The following DMD variants were observed in gnomAD, a reference collection of about 807,000 sequenced individuals.
DMD encodes the protein mutant dystrophin.
In DMD, 63 loss-of-function variants were observed where a neutral mutation model predicts 330.1. The ratio of observed to expected loss-of-function variants is 0.19; its 90% CI spans 0.16 to 0.24. DMD has a LOEUF of 0.24. DMD is among the 10% of genes least tolerant of loss of function. The pLI is 1.00. For missense variants in DMD, 3,344 were observed against 2,684.1 expected, an observed-to-expected ratio of 1.25 and a Z score of -5.43; for synonymous variants, 1,223 against 959.8, an observed-to-expected ratio of 1.27 and a Z score of -5.07.
chrX:31,503,245 T>C (rs930168985), intron 56 of DMD, among the ~76,000 whole-genome samples: 3 of 112,279 alleles, frequency 2.7e-5, no homozygotes, highest in Non-Finnish European at 5.6e-5. Context: ...ATTAAACAAT[T>C]TTCCAGGTTC....
chrX:31,478,569 A>G (rs1199179692), intron 58 of DMD, among the ~76,000 whole-genome samples, 195 bp from the exon 59 acceptor site: 1 of 111,873 alleles, frequency 8.9e-6, no homozygotes, highest in African/African-American at 3.3e-5. Flanking sequence ...TTTCTACCTT[A>G]TATCAATCCG....
chrX:31,511,450 T>C (rs1410099727), intron 55 of DMD, among the ~76,000 whole-genome samples: 1 of 100,509 alleles, frequency 9.9e-6, no homozygotes, highest in Non-Finnish European at 2.0e-5. Flanking sequence ...TCATCTAGCA[T>C]TAGGTATATC....
intron 2 of DMD, among the ~76,000 whole-genome samples, chrX:32,991,446 C>T (rs2092972115): frequency 8.9e-6 from 1 of 111,968 alleles, no homozygotes; most frequent in Non-Finnish European, 1.9e-5. Context: ...ATGTTCTATA[C>T]ATGCACTACA....
upstream of DMD, among the ~76,000 whole-genome samples, chrX:33,215,647 C>T (rs750669338): frequency 3.6e-5 from 4 of 111,412 alleles, no homozygotes; most frequent in Non-Finnish European, 7.5e-5. Flanking sequence ...GGATTTTTTA[C>T]AGTATGAGGT....
chrX:32,920,533 T>G (rs1367351386), intron 2 of DMD, among the ~76,000 whole-genome samples: 1 of 111,991 alleles, frequency 8.9e-6, no homozygotes, highest in Non-Finnish European at 1.9e-5. Context: ...ATCTGTCCCT[T>G]TCCCTATCCT....
chrX:31,181,908 C>G (rs2041194472), intron 68 of DMD, among the ~76,000 whole-genome samples: 1 of 112,014 alleles, frequency 8.9e-6, no homozygotes, highest in African/African-American at 3.2e-5. Flanking sequence ...TGTTGATTCA[C>G]ACATTTAAGG....
At chrX:32,443,491 A>G (rs2098290881) in intron 27 of DMD, among the ~76,000 whole-genome samples, 1 of 111,412 alleles carries the variant, frequency 9.0e-6, no homozygotes, top group South Asian at 3.7e-4. Context: ...GTGGGAAAAT[A>G]TAAATATCTT....
At chrX:32,259,595 G>A (rs1206896870) in intron 43 of DMD, among the ~76,000 whole-genome samples, 1 of 111,170 alleles carries the variant, frequency 9.0e-6, no homozygotes, top group Non-Finnish European at 1.9e-5. Flanking sequence ...TAAACATTGA[G>A]TAAGAAATGT....
At chrX:31,847,504 G>A (rs1256128974) in intron 48 of DMD, among the ~76,000 whole-genome samples, 1 of 111,732 alleles carries the variant, frequency 8.9e-6, no homozygotes, top group Non-Finnish European at 1.9e-5. Flanking sequence ...AGGGTCAACT[G>A]TAGTAAATCC....
chrX:32,801,717 T>C (rs774955148), intron 7 of DMD, among the ~76,000 whole-genome samples: 24 of 112,224 alleles, frequency 2.1e-4, no homozygotes, highest in African/African-American at 7.8e-4. Flanking sequence ...AGTTTCAGTC[T>C]TCTGCATATG....
In DMD at chrX:32,330,846, G is replaced by A. The variant is rs184823756; in HGVS notation, c.5922+11254C>T. 5.6e-3 allele frequency among the ~76,000 whole-genome samples: 625 copies of A among 111,235 alleles called. 5 individuals are homozygous for A. The highest frequency in any genetic ancestry group is 0.019 in the African/African-American group (594 of 30,678). The stretch of plus-strand genomic sequence containing the variant: ...TTTCTAGACTCACACTAAGTGTATG[G>A]AGTTACCATTTAACTGCATCCTCAC... On this transcript the variant is annotated intron_variant, in intron 41 of 78. Transcript: ENST00000357033.
chrX:32,428,294 TTAGTC>T (rs1273187625), intron 29 of DMD, among the ~76,000 whole-genome samples: 1 of 112,057 alleles, frequency 8.9e-6, no homozygotes, highest in African/African-American at 3.2e-5. Context: ...ATTATTTACT[TTAGTC>T]AAGTTTTTAC....
intron 30 of DMD, among the ~76,000 whole-genome samples, chrX:32,408,488 C>A (rs868792761): frequency 4.8e-4 from 54 of 111,751 alleles, no homozygotes; most frequent in Admixed American, 9.5e-4. Context: ...AGTGCCATAG[C>A]TTTTATATCT....
At chrX:31,184,213 T>A (rs1293203795) in intron 67 of DMD, among the ~76,000 whole-genome samples, 1 of 112,434 alleles carries the variant, frequency 8.9e-6, no homozygotes, top group Non-Finnish European at 1.9e-5. Flanking sequence ...CTGGCCCAAG[T>A]ATAAAATTTT....
rs60773717 is a variant in DMD at position 32,178,830 on chromosome X, G to GGTGTGT, written c.6438+38080_6438+38085dup. On this transcript the variant is annotated intron_variant, in intron 44 of 78. Transcript: ENST00000357033. ...TTTAAGGCTGAAAAATATTCCAGGG[G>GGTGTGT]GTGTGTGTGTGTGTGTGTGTGTGTG... Among the ~76,000 whole-genome samples, 383 of 99,158 alleles carry GGTGTGT rather than the reference G, an allele frequency of 3.9e-3. 1 individual carries two copies. Among genetic ancestry groups the GGTGTGT allele is most frequent in the Admixed American group, 9.0e-3 (81 of 9,001 alleles). The allele number at this position is 99,158 out of a possible 115,157, so 86.1% of individuals were successfully genotyped here.
Position 32,620,659 on chromosome X carries a change from CAG to C in DMD, c.1332-6208_1332-6207del, listed in dbSNP as rs376113730. The stretch of plus-strand genomic sequence containing the variant: ...GCATCATTTACTTTTTGCTTTTGGA[CAG>C]ACATTTCCTTCAACAAATCTTTACT... On this transcript the variant is annotated intron_variant, in intron 11 of 78. Coordinates refer to ENST00000357033, the MANE Select transcript of DMD (RefSeq NM_004006.3). Among the ~76,000 whole-genome samples the C allele has an allele frequency of 5.4e-3, 608 of 112,119 alleles. 6 individuals are homozygous for C. The highest frequency in any genetic ancestry group is 0.019 in the African/African-American group (575 of 30,910).
At chrX:32,830,876 T>G (rs1192604999) in intron 4 of DMD, among the ~76,000 whole-genome samples, 1 of 111,037 alleles carries the variant, frequency 9.0e-6, no homozygotes, top group Non-Finnish European at 1.9e-5. Flanking sequence ...AAATGTGAAC[T>G]CTTTAGAAAC....
chrX:31,764,601 T>C (rs1693899435), intron 51 of DMD, among the ~76,000 whole-genome samples: 1 of 112,126 alleles, frequency 8.9e-6, no homozygotes, highest in Admixed American at 9.5e-5. Flanking sequence ...AATTTATCTA[T>C]ATGCTTTTGG....
At chrX:32,480,435 CTA>C (rs2041741388) in intron 21 of DMD, among the ~76,000 whole-genome samples, 1 of 109,652 alleles carries the variant, frequency 9.1e-6, no homozygotes, top group Admixed American at 9.7e-5. Context: ...CAGTATGTGT[CTA>C]TGTGTGTACA....
Sources: allele counts gnomAD v4.1 joint callset (sites outside exome capture counted in the v4.1 genomes callset), GRCh38; gene constraint gnomAD v4.1.1; transcripts MANE v1.5; gene names NCBI Gene and HGNC (gene_info 2026-07-23, HGNC 2026-07-21).